ASPRV1: variants seen among roughly 807,000 people sequenced by gnomAD.
The protein encoded by ASPRV1 is retroviral-like aspartic protease 1.
ASPRV1 carries 7 observed loss-of-function variants against 11.0 expected under a neutral mutation model. The observed-to-expected ratio is 0.64, with a 90% confidence interval of 0.36 to 1.20. ASPRV1 has a LOEUF of 1.20. Among genes scored for constraint, ASPRV1 ranks in the 50% most tolerant of loss-of-function variants. The pLI, the probability that ASPRV1 is intolerant of heterozygous loss-of-function variation, is 0.02. For synonymous variants in ASPRV1, 136 were observed against 138.4 expected, an observed-to-expected ratio of 0.98 and a Z score of 0.12; for missense variants, 299 against 320.0, an observed-to-expected ratio of 0.93 and a Z score of 0.50.
At chr2:69,984,770 G>A in the ASPRV1 span, among the ~76,000 whole-genome samples, 1 of 147,634 alleles carries the variant, frequency 6.8e-6, no homozygotes, top group African/African-American at 2.5e-5. Flanking sequence ...GCAGCCGCCT[G>A]GCACCACGCC....
At chr2:69,982,440 A>G in the ASPRV1 span, among the ~76,000 whole-genome samples, 1 of 152,180 alleles carries the variant, frequency 6.6e-6, no homozygotes, top group Non-Finnish European at 1.5e-5. Flanking sequence ...TGGGTGACAG[A>G]GCAAAACCCT....
chr2:70,011,181 G>A, the ASPRV1 span, among the ~76,000 whole-genome samples: 2 of 152,000 alleles, frequency 1.3e-5, no homozygotes, highest in Non-Finnish European at 2.9e-5. Flanking sequence ...CTTAGTACCT[G>A]AGTGATGAAA....
the ASPRV1 span, among the ~76,000 whole-genome samples, chr2:70,019,906 T>C: frequency 6.6e-6 from 1 of 152,070 alleles, no homozygotes; most frequent in African/African-American, 2.4e-5. Context: ...ATAAATTAAG[T>C]GGTCTTATCA....
chr2:70,057,795 TG>T, the ASPRV1 span, among the ~76,000 whole-genome samples: 1 of 151,394 alleles, frequency 6.6e-6, no homozygotes, highest in African/African-American at 2.4e-5. Context: ...ACGATTTTTT[TG>T]TTTTGTTTTT....
At chr2:70,021,341 C>CA in the ASPRV1 span, among the ~76,000 whole-genome samples, 1 of 143,504 alleles carries the variant, frequency 7.0e-6, no homozygotes, top group African/African-American at 2.6e-5. Flanking sequence ...TTTTTTGAGA[C>CA]AGAGTCTCGC....
chr2:70,086,637 A>C, the ASPRV1 span: 2 of 152,294 alleles, frequency 1.3e-5, no homozygotes, highest in Non-Finnish European at 2.9e-5. Flanking sequence ...GCCCCTGAAC[A>C]AACGAGGCCT....
the ASPRV1 span, among the ~76,000 whole-genome samples, chr2:70,006,340 G>A: frequency 6.6e-6 from 1 of 152,166 alleles, no homozygotes; most frequent in Non-Finnish European, 1.5e-5. Context: ...CCCACAGTGG[G>A]GCCCCCTACG....
downstream of ASPRV1, among the ~76,000 whole-genome samples, chr2:69,959,858 G>T (rs891289152): frequency 6.6e-6 from 1 of 152,192 alleles, no homozygotes; most frequent in African/African-American, 2.4e-5. Flanking sequence ...AAATACTACA[G>T]ATTGAAATAA....
the ASPRV1 span, among the ~76,000 whole-genome samples, chr2:70,079,699 C>G: frequency 2.0e-5 from 3 of 152,180 alleles, no homozygotes; most frequent in Non-Finnish European, 4.4e-5. Flanking sequence ...ACTGAGATAT[C>G]AAGAATAAAA....
At chr2:70,066,162 C>T in the ASPRV1 span, among the ~76,000 whole-genome samples, 1 of 152,002 alleles carries the variant, frequency 6.6e-6, no homozygotes, top group Non-Finnish European at 1.5e-5. Context: ...GAGCCGAAAT[C>T]ATGCTATTGC....
At chr2:70,008,296 CACAAATCCAG>C in the ASPRV1 span, among the ~76,000 whole-genome samples, 1 of 152,180 alleles carries the variant, frequency 6.6e-6, no homozygotes, top group East Asian at 1.9e-4. Context: ...AATCTCCATT[CACAAATCCAG>C]GTGTGCAAGA....
At chr2:70,057,297 A>G in the ASPRV1 span, among the ~76,000 whole-genome samples, 1 of 152,124 alleles carries the variant, frequency 6.6e-6, no homozygotes, top group Non-Finnish European at 1.5e-5. Context: ...TGGGTATATA[A>G]CAAGTATACA....
chr2:70,010,332 G>A, the ASPRV1 span, among the ~76,000 whole-genome samples: 1 of 152,138 alleles, frequency 6.6e-6, no homozygotes, highest in Non-Finnish European at 1.5e-5. Context: ...CAGGGGAGGG[G>A]CCAGGAAGGT....
chr2:70,018,291 T>C, the ASPRV1 span, among the ~76,000 whole-genome samples: 843 of 151,988 alleles, frequency 5.5e-3, 7 homozygotes, highest in Middle Eastern at 0.02. Context: ...ACACAAAACA[T>C]GGAAAGATAT....
the ASPRV1 span, among the ~76,000 whole-genome samples, chr2:70,073,790 C>T: frequency 2.6e-5 from 4 of 152,050 alleles, no homozygotes; most frequent in African/African-American, 7.2e-5. Context: ...AGGGAGACGG[C>T]TCATCCCTTG....
At chr2:69,937,052 G>A in the ASPRV1 span, 1 of 797,540 alleles carries the variant, frequency 1.3e-6, no homozygotes, top group African/African-American at 1.7e-5. Context: ...ATGCTGAAGA[G>A]TCAGACGAAG....
At chr2:70,084,135 A>G in the ASPRV1 span, among the ~76,000 whole-genome samples, 1 of 152,238 alleles carries the variant, frequency 6.6e-6, no homozygotes, top group Admixed American at 6.5e-5. Flanking sequence ...GAGGAGGTGC[A>G]CTAAGTCCCA....
At chr2:69,951,535 CAT>C in the ASPRV1 span, among the ~76,000 whole-genome samples, 443 of 140,686 alleles carry the variant, frequency 3.1e-3, 4 homozygotes, top group African/African-American at 0.011. Context: ...ACACTCATAT[CAT>C]ATATATACAC....
the ASPRV1 span, among the ~76,000 whole-genome samples, chr2:70,061,399 A>G: frequency 0.013 from 1,922 of 151,832 alleles, 48 homozygotes; most frequent in African/African-American, 0.045. Flanking sequence ...TGTCTCAAAA[A>G]AAAAAAAAAA....
Sources: allele counts gnomAD v4.1 joint callset (sites outside exome capture counted in the v4.1 genomes callset), GRCh38; gene constraint gnomAD v4.1.1; transcripts MANE v1.5; gene names NCBI Gene and HGNC (gene_info 2026-07-23, HGNC 2026-07-21).